ANAPC4: variants seen among roughly 807,000 people sequenced by gnomAD.
ANAPC4 encodes the protein anaphase-promoting complex subunit 4.
In ANAPC4, 63 loss-of-function variants were observed where a neutral mutation model predicts 119.8. The observed-to-expected ratio is 0.53, with a 90% confidence interval of 0.43 to 0.65. The LOEUF (loss-of-function observed/expected upper bound fraction) is 0.65. Among genes scored for constraint, ANAPC4 ranks in the 30% least tolerant of loss-of-function variants. The pLI is 0.00. For synonymous variants in ANAPC4, 283 were observed against 318.6 expected (o/e 0.89, Z 1.19); for missense variants, 716 against 945.1 (o/e 0.76, Z 3.18).
chr4:25,407,076 A>G (rs990085205), intron 19 of ANAPC4, 121 bp from the exon 20 acceptor site: 6 of 935,230 alleles, frequency 6.4e-6, no homozygotes, highest in Middle Eastern at 3.3e-4. Flanking sequence ...CTTATAATCT[A>G]TAAAAGAAAA....
chr4:25,398,568 T>C (rs315672), intron 16 of ANAPC4, among the ~76,000 whole-genome samples: 150,182 of 152,266 alleles, frequency 0.99, 74,078 homozygotes, highest in East Asian at 1. Context: ...TTGCATAGAG[T>C]CTGTGGGCAG....
chr4:25,409,644 C>T, intron 20 of ANAPC4, 54 bp from the exon 21 acceptor site: 8 of 1,351,708 alleles, frequency 5.9e-6, no homozygotes, highest in Admixed American at 2.1e-5. Flanking sequence ...TTTTCTTTTT[C>T]CATTTTCCCT....
In ANAPC4 at chr4:25,402,998, C is replaced by G. The variant is rs1418599842; in HGVS notation, c.1242C>G (p.Phe414Leu). Residue 414 changes from phenylalanine (F) to leucine (L), a missense_variant, in exon 17 of 29, where the codon TTC (phenylalanine) becomes TTG (leucine). Transcript: ENST00000315368. The stretch of plus-strand genomic sequence containing the variant: ...TTATAGATAGTAGTATGAAAAACTT[C>G]AAAGCATTTTTTCGGTGGCTTTATG... ...LQVIDSSMKN[F>L]KAFFRWLYVA... 3 of 1,601,602 alleles carry G rather than the reference C, an allele frequency of 1.9e-6. No individual in the cohort carries two copies. The highest frequency in any genetic ancestry group is 1.7e-6 in the Non-Finnish European group (2 of 1,171,908).
chr4:25,400,719 G>C (rs1358814433), intron 16 of ANAPC4, among the ~76,000 whole-genome samples: 1 of 152,182 alleles, frequency 6.6e-6, no homozygotes, highest in Admixed American at 6.5e-5. Flanking sequence ...CAAGGACCAG[G>C]TTAAAATGAT....
At chr4:25,389,917 T>C (rs949064035) in intron 7 of ANAPC4, among the ~76,000 whole-genome samples, 17 of 151,926 alleles carry the variant, frequency 1.1e-4, no homozygotes, top group Non-Finnish European at 2.4e-4. Flanking sequence ...GTAAGCTGAT[T>C]TTTTTTTAGG....
At chr4:25,378,748 T>A (rs1348571119) in intron 2 of ANAPC4, among the ~76,000 whole-genome samples, 1 of 152,234 alleles carries the variant, frequency 6.6e-6, no homozygotes, top group African/African-American at 2.4e-5. Flanking sequence ...GGATTGCCAG[T>A]CAGTGTTAAG....
intron 16 of ANAPC4, among the ~76,000 whole-genome samples, chr4:25,401,763 A>G (rs1722991347): frequency 6.6e-6 from 1 of 152,214 alleles, no homozygotes; most frequent in South Asian, 2.1e-4. Context: ...TTTCTAACAC[A>G]TGTACCCCTC....
intron 9 of ANAPC4, among the ~76,000 whole-genome samples, chr4:25,391,969 A>G (rs553290324): frequency 1.8e-4 from 27 of 152,376 alleles, no homozygotes; most frequent in African/African-American, 6.0e-4. Flanking sequence ...TTATTAAGAT[A>G]CAATTCATAT....
chr4:25,402,902 A>G, intron 16 of ANAPC4, 69 bp from the exon 17 acceptor site: 1 of 849,944 alleles, frequency 1.2e-6, no homozygotes, highest in South Asian at 1.9e-5. Context: ...ATTTCCTGAC[A>G]GTTGAGTAGG....
intron 17 of ANAPC4, among the ~76,000 whole-genome samples, chr4:25,404,264 T>C (rs1723134932): frequency 6.6e-6 from 1 of 152,186 alleles, no homozygotes; most frequent in South Asian, 2.1e-4. Context: ...ACTGTACCAA[T>C]ACTAACCAGA....
At chr4:25,410,758 T>A (rs1471790494) in intron 21 of ANAPC4, among the ~76,000 whole-genome samples, 1 of 152,222 alleles carries the variant, frequency 6.6e-6, no homozygotes, top group African/African-American at 2.4e-5. Flanking sequence ...TGGGTCCCAG[T>A]CAAAATGCAG....
At position 25,390,117 on chromosome 4, in the gene ANAPC4, T is replaced by C; in HGVS notation, c.516-19T>C. 2 of 1,555,390 alleles carry C rather than the reference T, an allele frequency of 1.3e-6. No individual in the cohort carries two copies. Among genetic ancestry groups the C allele is most frequent in the South Asian group, 1.1e-5 (1 of 88,544 alleles). ...GTGTTGTTGATTGGTTCTCAGCTTG[T>C]TGCATTGTTTTTAATTAGGCTTAAT... is the stretch of plus-strand genomic sequence containing the variant. On this transcript the variant is annotated intron_variant, in intron 7 of 28. Coordinates refer to ENST00000315368, the MANE Select transcript of ANAPC4 (RefSeq NM_013367.3).
At chr4:25,404,859 A>G (rs1302850239) in intron 17 of ANAPC4, among the ~76,000 whole-genome samples, 1 of 152,074 alleles carries the variant, frequency 6.6e-6, no homozygotes, top group Non-Finnish European at 1.5e-5. Context: ...TTTTGGATGG[A>G]TAAGAATGAG....
intron 2 of ANAPC4, 56 bp from the exon 3 acceptor site, chr4:25,380,313 GTTTAT>G: frequency 3.6e-6 from 5 of 1,382,096 alleles, no homozygotes; most frequent in African/African-American, 1.5e-5. Context: ...AGGGATCTAG[GTTTAT>G]TTTATTTTTG....
chr4:25,391,044 G>C, intron 9 of ANAPC4, 29 bp downstream of exon 9: 1 of 1,461,600 alleles, frequency 6.8e-7, no homozygotes, highest in Non-Finnish European at 9.6e-7. Context: ...TAACGGTAGA[G>C]AGTAAATATG....
chr4:25,395,130 C>CT (rs1722574558), intron 14 of ANAPC4: 1 of 416,940 alleles, frequency 2.4e-6, no homozygotes, highest in Admixed American at 4.2e-5. Flanking sequence ...AGGCTAGACT[C>CT]TATCTGGGTT....
chr4:25,403,142 T>C (rs1405345438), intron 17 of ANAPC4, 116 bp downstream of exon 17: 1 of 784,236 alleles, frequency 1.3e-6, no homozygotes, highest in African/African-American at 1.8e-5. Context: ...GAGAACTATA[T>C]AATGATCCCT....
rs77948555 is a variant in ANAPC4, at chr4:25,409,270, A to G, written c.1432-428A>G. On this transcript the variant is annotated intron_variant, in intron 20 of 28. Coordinates refer to ENST00000315368, the MANE Select transcript of ANAPC4 (RefSeq NM_013367.3). ...CTAATTTATAACTTGCATATGTTAAATTAAAATATGCTCATGAAAAAGAAA... is the reference window on the plus strand; with the variant it reads ...CTAATTTATAACTTGCATATGTTAAGTTAAAATATGCTCATGAAAAAGAAA... Among the ~76,000 whole-genome samples the G allele has an allele frequency of 2.2e-3, 342 of 152,356 alleles. 5 individuals carry two copies. The highest frequency in any genetic ancestry group is 8.0e-3 in the African/African-American group (331 of 41,586).
Position 25,377,271 on chromosome 4 carries a change from T to A in ANAPC4, c.-84T>A. 9.7e-7 allele frequency: 1 copy of A among 1,031,532 alleles called. No homozygotes were observed. 63.9% of individuals were successfully genotyped at this position (1,031,532 alleles called of 1,614,324 possible). On this transcript the variant is annotated 5_prime_UTR_variant, in exon 1 of 29. Transcript: ENST00000315368. Reference sequence around the variant, plus strand: ...CGGCGGGGCGGGGCGGCCTGGAGGCTGTGGCGCGCGGCCGGCAGAGGGAGG... The same window carrying A: ...CGGCGGGGCGGGGCGGCCTGGAGGCAGTGGCGCGCGGCCGGCAGAGGGAGG...
Sources: gnomAD v4.1 joint callset for allele counts (sites outside exome capture counted in the v4.1 genomes callset) on GRCh38, gnomAD v4.1.1 for gene constraint, MANE v1.5 for transcripts, NCBI Gene and HGNC (gene_info 2026-07-23, HGNC 2026-07-21) for gene names.